Variants in MIER1 observed in about 807,000 individuals in gnomAD.
The protein encoded by MIER1 is MIER1 transcriptional regulator, also known as mesoderm induction early response protein 1.
MIER1 carries 40 observed loss-of-function variants against 75.7 expected under a neutral mutation model. The observed-to-expected ratio is 0.53, with a 90% CI of 0.41 to 0.69. The LOEUF is 0.69. Ranked by LOEUF, MIER1 falls within the 30% of genes least tolerant of loss-of-function variation. The probability of loss-of-function intolerance (pLI) is 0.00; values close to 1 mark genes in which losing one functional copy is unlikely to be tolerated. For missense variants in MIER1, 574 were observed against 680.2 expected, an observed-to-expected ratio of 0.84 and a Z score of 1.74; for synonymous variants, 213 against 223.4, an observed-to-expected ratio of 0.95 and a Z score of 0.42.
chr1:66,939,005 T>C (rs576517135), intron 2 of MIER1, among the ~76,000 whole-genome samples: 1 of 152,140 alleles, frequency 6.6e-6, no homozygotes, highest in African/African-American at 2.4e-5. Context: ...TTCCCTCTTT[T>C]CTGTTTTCTT....
At chr1:66,969,457 A>C (rs1461941882) in intron 8 of MIER1, among the ~76,000 whole-genome samples, 2 of 146,462 alleles carry the variant, frequency 1.4e-5, no homozygotes, top group Non-Finnish European at 3.0e-5. Context: ...AGGCAGGAGA[A>C]TTGCTTGAAC....
Position 66,986,773 on chromosome 1 carries a change from A to G in MIER1, c.*1873A>G, listed in dbSNP as rs187470830. Reference sequence around the variant, plus strand: ...TTTTTTGTTGTTTTTGTTTTACTTAAAACTTTTAATTTATCCAGAATGGCA... The same window carrying G: ...TTTTTTGTTGTTTTTGTTTTACTTAGAACTTTTAATTTATCCAGAATGGCA... On this transcript the variant is annotated 3_prime_UTR_variant, in exon 14 of 14. Coordinates refer to ENST00000401041, the MANE Select transcript of MIER1 (RefSeq NM_001077700.3). The G allele has an allele frequency of 3.0e-4, 77 of 255,692 alleles. No individual in the cohort carries two copies. The highest frequency in any genetic ancestry group is 4.8e-4 in the Admixed American group (9 of 18,866). 15.8% of individuals were successfully genotyped at this position (255,692 alleles called of 1,614,324 possible). A position where few individuals can be genotyped will look rare whatever the true frequency, so the allele number is the denominator to read the frequency against.
Position 66,986,980 on chromosome 1 carries a change from C to G in MIER1, c.*2080C>G, listed in dbSNP as rs1428139512. 1 of 149,024 alleles carries G rather than the reference C, an allele frequency of 6.7e-6. No individual in the cohort carries two copies. Among genetic ancestry groups the G allele is most frequent in the African/African-American group, 2.5e-5 (1 of 39,280 alleles). The allele number at this position is 149,024 out of a possible 1,614,324, so 9.2% of individuals were successfully genotyped here. On this transcript the variant is annotated 3_prime_UTR_variant, in exon 14 of 14. Coordinates refer to ENST00000401041, the MANE Select transcript of MIER1 (RefSeq NM_001077700.3). ...CCATTTTCACCTTTTTAAAAAGATG[C>G]ATTTTATTTGCAGGTTTGTGAAGTT...
chr1:66,975,391 G>C (rs934690682), intron 11 of MIER1, among the ~76,000 whole-genome samples: 4 of 152,018 alleles, frequency 2.6e-5, no homozygotes, highest in Admixed American at 2.6e-4. Flanking sequence ...CCTGAGTTTG[G>C]TGGCATGCAA....
At chr1:66,959,576 T>C (rs770972345) in intron 6 of MIER1, 103 bp from the exon 7 acceptor site, 24 of 601,628 alleles carry the variant, frequency 4.0e-5, no homozygotes, top group Middle Eastern at 3.8e-4. Flanking sequence ...TCATTAGATA[T>C]CTTTGAGCAT....
At chr1:66,964,402 AT>A (rs2101785920) in intron 8 of MIER1, among the ~76,000 whole-genome samples, 1 of 145,798 alleles carries the variant, frequency 6.9e-6, no homozygotes, top group East Asian at 2.1e-4. Context: ...TCTGTTTCAG[AT>A]TATTCACCTC....
chr1:66,946,018 T>G, intron 3 of MIER1, 132 bp from the exon 4 acceptor site: 2 of 699,158 alleles, frequency 2.9e-6, no homozygotes. Context: ...AAGCAATACA[T>G]AATAGTTGCT....
intron 8 of MIER1, among the ~76,000 whole-genome samples, chr1:66,966,942 A>G (rs1270105436): frequency 6.6e-6 from 1 of 152,012 alleles, no homozygotes; most frequent in Non-Finnish European, 1.5e-5. Flanking sequence ...GTTTGCAAAT[A>G]TTTTCTCCCA....
intron 11 of MIER1, among the ~76,000 whole-genome samples, chr1:66,975,228 C>CT (rs778153651): frequency 5.1e-4 from 77 of 152,220 alleles, no homozygotes; most frequent in Non-Finnish European, 9.3e-4. Flanking sequence ...ACTGGATTTC[C>CT]TTTTAAATGG....
chr1:66,946,866 T>G (rs1657770409), intron 4 of MIER1: 3 of 985,152 alleles, frequency 3.0e-6, no homozygotes, highest in Non-Finnish European at 3.6e-6. Context: ...TTACTTGAAT[T>G]CTGGAGTACA....
At chr1:66,950,717 A>T (rs1658732564) in intron 4 of MIER1, among the ~76,000 whole-genome samples, 1 of 152,146 alleles carries the variant, frequency 6.6e-6, no homozygotes, top group South Asian at 2.1e-4. Flanking sequence ...CAAATTAATT[A>T]TATAGATAGA....
intron 1 of MIER1, 25 bp from the exon 2 acceptor site, chr1:66,926,117 T>C (rs771512718): frequency 8.8e-5 from 139 of 1,583,616 alleles, no homozygotes; most frequent in Middle Eastern, 3.3e-4. Context: ...TCCTTGCTAC[T>C]GAGGCTCTCT....
intron 9 of MIER1, among the ~76,000 whole-genome samples, chr1:66,971,256 G>A (rs753041371): frequency 2.6e-5 from 4 of 151,900 alleles, no homozygotes; most frequent in African/African-American, 4.8e-5. Context: ...TTCTCACCTC[G>A]GATTATCTTA....
At chr1:66,962,533 A>G (rs1661463339) in intron 7 of MIER1, among the ~76,000 whole-genome samples, 1 of 152,114 alleles carries the variant, frequency 6.6e-6, no homozygotes, top group South Asian at 2.1e-4. Context: ...ACAGTTTCCC[A>G]TTAGCTGTGT....
chr1:66,958,160 A>C lies in MIER1; in HGVS notation c.441A>C (p.Glu147Asp). ...AGGAAGAGGAAGAAGAGGAAGAAGA[A>C]GGTGAAGATGATGAAGATGCTGATA... ...EDEEEEEEEE[E>D]GEDDEDADND... is the part of the protein sequence containing the mutation. The change falls in exon 5 of 14, where the codon GAA (glutamate) becomes GAC (aspartate). Residue 147 changes from glutamate (E) to aspartate (D), a missense_variant. Transcript: ENST00000401041. 3 of 1,602,858 alleles carry C rather than the reference A, an allele frequency of 1.9e-6. No homozygotes were observed. Among genetic ancestry groups the C allele is most frequent in the Non-Finnish European group, 2.6e-6 (3 of 1,169,890 alleles).
At chr1:66,959,958 G>A (rs900642523) in intron 7 of MIER1, 6 of 265,446 alleles carry the variant, frequency 2.3e-5, no homozygotes, top group East Asian at 6.7e-5. Flanking sequence ...GGTGGCTCAC[G>A]CCTGTTATCC....
At chr1:66,939,314 C>T (rs1196718298) in intron 2 of MIER1, among the ~76,000 whole-genome samples, 1 of 152,008 alleles carries the variant, frequency 6.6e-6, no homozygotes, top group African/African-American at 2.4e-5. Flanking sequence ...TAAATTGCTA[C>T]CAATTTTATC....
In MIER1 at chr1:66,987,799, AGAC is replaced by A. The variant is rs1666969609; in HGVS notation, c.*2900_*2902del. The A allele has an allele frequency of 6.6e-6, 1 of 152,186 alleles. No individual in the cohort carries two copies. The highest frequency in any genetic ancestry group is 2.4e-5 in the African/African-American group (1 of 41,400). 9.4% of individuals were successfully genotyped at this position (152,186 alleles called of 1,614,324 possible). ...TACACAGTCTGTTTCTTCTATTCCT[AGAC>A]ATATTGCACTACTTTTTCAGTGGTT... is the stretch of plus-strand genomic sequence containing the variant. On this transcript the variant is annotated 3_prime_UTR_variant, in exon 14 of 14. Coordinates refer to ENST00000401041, the MANE Select transcript of MIER1 (RefSeq NM_001077700.3).
chr1:66,930,313 T>G, intron 2 of MIER1: 1 of 1,586,126 alleles, frequency 6.3e-7, no homozygotes, highest in Non-Finnish European at 8.6e-7. Context: ...CGGAGTCCCG[T>G]TGCTGAGTCT....
Sources: gnomAD v4.1 joint callset for allele counts (sites outside exome capture counted in the v4.1 genomes callset) on GRCh38, gnomAD v4.1.1 for gene constraint, MANE v1.5 for transcripts, NCBI Gene and HGNC (gene_info 2026-07-23, HGNC 2026-07-21) for gene names.